FGF13: variants seen among roughly 807,000 people sequenced by gnomAD.
The protein encoded by FGF13 is fibroblast growth factor homologous factor 2.
In FGF13, 2 loss-of-function variants were observed where a neutral mutation model predicts 19.5. The ratio of observed to expected loss-of-function variants is 0.10; its 90% CI spans 0.04 to 0.32. The LOEUF (loss-of-function observed/expected upper bound fraction) is 0.32, where lower values mean the gene tolerates loss of function less well. FGF13 is among the 10% of genes least tolerant of loss of function. The pLI, the probability that FGF13 is intolerant of heterozygous loss-of-function variation, is 1.00. For missense variants in FGF13, 113 were observed against 192.7 expected (o/e 0.59, Z 2.45); for synonymous variants, 72 against 76.9 (o/e 0.94, Z 0.33).
In FGF13 at chrX:138,872,207, T is replaced by A. The variant is rs141237092; in HGVS notation, c.-112-7557A>T. ...ATCTAATGACACTATTTAATATAGA[T>A]ACCCTTTGATAATAATAACTCCCTG... On this transcript the variant is annotated intron_variant, in intron 1 of 2. Coordinates refer to the FGF13 transcript ENST00000421460. Among the ~76,000 whole-genome samples the A allele has an allele frequency of 4.0e-4, 45 of 111,878 alleles. No homozygotes were observed. The East Asian group carries it at 0.012, about 29-fold the overall frequency.
intron 1 of FGF13, among the ~76,000 whole-genome samples, chrX:139,070,309 A>T (rs1233556381): frequency 8.9e-6 from 1 of 112,480 alleles, no homozygotes; most frequent in African/African-American, 3.2e-5. Context: ...CCCATCAAAA[A>T]GTGGATGAAG....
chrX:138,884,749 G>A (rs1417288648), intron 1 of FGF13, among the ~76,000 whole-genome samples: 1 of 111,859 alleles, frequency 8.9e-6, no homozygotes, highest in Admixed American at 9.5e-5. Flanking sequence ...AAGAGGACAG[G>A]AAGGAAGTCG....
chrX:138,990,431 G>C (rs2092010704), intron 1 of FGF13: 1 of 110,617 alleles, frequency 9.0e-6, no homozygotes, highest in Non-Finnish European at 1.9e-5. Flanking sequence ...CCCTGTATTA[G>C]TCCATTTTCA....
At chrX:138,863,146 G>A (rs1052884613) in intron 2 of FGF13, among the ~76,000 whole-genome samples, 5 of 110,900 alleles carry the variant, frequency 4.5e-5, no homozygotes, top group Middle Eastern at 4.2e-3. Context: ...TTTTAGCCAC[G>A]TTAGGGAGGT....
At chrX:139,034,098 C>A (rs1255448480) in intron 1 of FGF13, among the ~76,000 whole-genome samples, 1 of 111,466 alleles carries the variant, frequency 9.0e-6, no homozygotes, top group Non-Finnish European at 1.9e-5. Context: ...AAAACATAAA[C>A]CTTATAATAA....
chrX:138,981,808 T>C (rs1346913618), intron 1 of FGF13, among the ~76,000 whole-genome samples: 1 of 111,414 alleles, frequency 9.0e-6, no homozygotes, highest in Admixed American at 9.6e-5. Flanking sequence ...TCACATCTTA[T>C]TTCTCTCTCT....
intron 2 of FGF13, among the ~76,000 whole-genome samples, chrX:138,703,385 C>G (rs929491270): frequency 8.9e-6 from 1 of 111,962 alleles, no homozygotes; most frequent in African/African-American, 3.2e-5. Flanking sequence ...AAATGGAAGG[C>G]TTTTGGTCAC....
intron 1 of FGF13, among the ~76,000 whole-genome samples, chrX:139,019,564 T>A (rs759261387): frequency 9.0e-6 from 1 of 111,399 alleles, no homozygotes; most frequent in African/African-American, 3.3e-5. Flanking sequence ...AGGGCTGAAC[T>A]GACTTAGCCA....
At chrX:138,648,817 C>CGTCA (rs938629650) in intron 3 of FGF13, among the ~76,000 whole-genome samples, 4 of 111,392 alleles carry the variant, frequency 3.6e-5, no homozygotes, top group African/African-American at 1.3e-4. Flanking sequence ...AAGAATCAAA[C>CGTCA]GTCAGCATGT....
At chrX:139,171,523 GA>G (rs1330426496) in intron 1 of FGF13, among the ~76,000 whole-genome samples, 3 of 111,557 alleles carry the variant, frequency 2.7e-5, no homozygotes, top group Non-Finnish European at 5.6e-5. Flanking sequence ...ACAGAAATGG[GA>G]TGTGAACAGA....
At position 138,774,398 on chromosome X, in the gene FGF13, T is replaced by C. The variant is rs190521583; in HGVS notation, c.218-65470A>G. Among the ~76,000 whole-genome samples the C allele has an allele frequency of 6.4e-4, 71 of 111,500 alleles. No individual in the cohort carries two copies. In the East Asian group the frequency reaches 0.018, roughly 29 times the overall value. ...GGAACTCACTTAACCCTTGCTTCAA[T>C]CATATGAGGTGGGCAGTATGTGATC... On this transcript the variant is annotated intron_variant, in intron 3 of 6. Transcript: ENST00000436198.
At chrX:138,636,557 A>G (rs940829167) in intron 3 of FGF13, among the ~76,000 whole-genome samples, 2 of 112,492 alleles carry the variant, frequency 1.8e-5, no homozygotes, top group Non-Finnish European at 3.8e-5. Flanking sequence ...ATTAAAAATG[A>G]TAATTTCTAA....
downstream of FGF13, among the ~76,000 whole-genome samples, chrX:138,853,496 C>A (rs920112121): frequency 2.7e-5 from 3 of 111,148 alleles, no homozygotes; most frequent in African/African-American, 9.8e-5. Flanking sequence ...AGCTGCCATA[C>A]TTTATCATCA....
chrX:138,670,248 C>T (rs2089597747), intron 3 of FGF13, among the ~76,000 whole-genome samples: 2 of 111,553 alleles, frequency 1.8e-5, no homozygotes, highest in Non-Finnish European at 3.8e-5. Context: ...TTGAAATTTA[C>T]AATAATTTAA....
intron 3 of FGF13, among the ~76,000 whole-genome samples, chrX:138,674,782 G>A (rs1164419082): frequency 9.0e-6 from 1 of 111,396 alleles, no homozygotes; most frequent in African/African-American, 3.3e-5. Flanking sequence ...GTGGATGGCT[G>A]AGATAGGGTG....
chrX:139,116,072 C>T (rs891185566), intron 1 of FGF13, among the ~76,000 whole-genome samples: 2 of 112,008 alleles, frequency 1.8e-5, no homozygotes, highest in Admixed American at 9.5e-5. Context: ...ACCTACTAGG[C>T]GCCAGACTCT....
intron 3 of FGF13, among the ~76,000 whole-genome samples, chrX:138,668,960 T>C (rs1020896190): frequency 4.5e-5 from 5 of 111,065 alleles, no homozygotes; most frequent in Admixed American, 2.9e-4. Context: ...GGGCAGAAGA[T>C]AGAATGCGGA....
In FGF13 at chrX:138,630,737, T is replaced by TATG. The variant is rs923637404; in HGVS notation, c.*2110_*2112dup. 3.6e-5 allele frequency: 4 copies of TATG among 111,784 alleles called. No individual in the cohort carries two copies. Among genetic ancestry groups the TATG allele is most frequent in the African/African-American group, 9.7e-5 (3 of 30,770 alleles). 9.2% of individuals were successfully genotyped at this position (111,784 alleles called of 1,213,427 possible). ...TGAAAAGCACTAGTCAACTACGTTT[T>TATG]ATGTATTTCACAATTCTTCCCTCCA... On this transcript the variant is annotated 3_prime_UTR_variant, in exon 5 of 5. Coordinates refer to ENST00000315930, the MANE Select transcript of FGF13 (RefSeq NM_004114.5).
At chrX:138,988,798 T>TGGAAG (rs1422774636) in intron 1 of FGF13, among the ~76,000 whole-genome samples, 1 of 111,982 alleles carries the variant, frequency 8.9e-6, no homozygotes, top group Non-Finnish European at 1.9e-5. Context: ...TTAAGTAGAG[T>TGGAAG]GGAAGAGACA....
Sources: allele counts gnomAD v4.1 joint callset (sites outside exome capture counted in the v4.1 genomes callset), GRCh38; gene constraint gnomAD v4.1.1; transcripts MANE v1.5; gene names NCBI Gene and HGNC (gene_info 2026-07-23, HGNC 2026-07-21).